ELP1: variants seen among roughly 807,000 people sequenced by gnomAD.
The protein encoded by ELP1 is elongator acetyltransferase complex subunit 1, also known as elongator complex protein 1.
In ELP1, 131 loss-of-function variants were observed where a neutral mutation model predicts 183.2. The ratio of observed to expected loss-of-function variants is 0.72; its 90% CI spans 0.62 to 0.83. The LOEUF is 0.83. Among genes scored for constraint, ELP1 ranks in the 40% least tolerant of loss-of-function variants. ELP1 has a pLI of 0.00. For synonymous variants in ELP1, 555 were observed against 569.0 expected (o/e 0.98, Z 0.35); for missense variants, 1,550 against 1,594.9 (o/e 0.97, Z 0.48).
chr9:108,911,221 T>C (rs753561935), intron 11 of ELP1, 41 bp from the exon 12 acceptor site: 3 of 1,589,540 alleles, frequency 1.9e-6, no homozygotes, highest in Admixed American at 3.4e-5. Flanking sequence ...CCTAGGGATA[T>C]TCAATTTGTA....
In ELP1 at chr9:108,927,367, C is replaced by T; in HGVS notation, c.385+5G>A. 1.2e-6 allele frequency: 2 copies of T among 1,610,686 alleles called. No homozygotes were observed. The highest frequency in any genetic ancestry group is 1.1e-5 in the South Asian group (1 of 91,002). ...AAGCCAGTGAGGCACCAGTAACAAGCTTACCTGTGGCAAGAAGCACCAGCT... is the reference window on the plus strand; with the variant it reads ...AAGCCAGTGAGGCACCAGTAACAAGTTTACCTGTGGCAAGAAGCACCAGCT... On this transcript the variant is annotated splice_donor_5th_base_variant and intron_variant, in intron 4 of 36. Transcript: ENST00000374647.
intron 29 of ELP1, among the ~76,000 whole-genome samples, chr9:108,885,959 A>T (rs535760999): frequency 1.1e-4 from 16 of 152,364 alleles, no homozygotes; most frequent in African/African-American, 3.4e-4. Flanking sequence ...TCCTTCTTGC[A>T]TAAACAGGCC....
rs191903395 is a variant in ELP1 at position 108,893,922 on chromosome 9, C to A, written c.2860+21G>T. 1.9e-6 allele frequency: 3 copies of A among 1,613,228 alleles called. No homozygotes were observed. The East Asian group carries it at 6.7e-5, about 36-fold the overall frequency. ...AAAGAAGATCTGAAGTAGAGATAAA[C>A]ATACTAATCCCCACACTTACCACAT... On this transcript the variant is annotated intron_variant, in intron 26 of 36. Transcript: ENST00000374647.
intron 36 of ELP1, among the ~76,000 whole-genome samples, chr9:108,874,107 T>G (rs561097852): frequency 6.6e-6 from 1 of 152,304 alleles, no homozygotes; most frequent in African/African-American, 2.4e-5. Flanking sequence ...TATTACAGTG[T>G]AGCACTTCGG....
intron 29 of ELP1, among the ~76,000 whole-genome samples, chr9:108,884,987 G>A (rs988853161): frequency 6.6e-6 from 1 of 152,008 alleles, no homozygotes; most frequent in African/African-American, 2.4e-5. Flanking sequence ...AGGCTGAGGG[G>A]GGAGGACAGC....
chr9:108,893,145 T>C (rs1828408288), intron 26 of ELP1, 62 bp from the exon 27 acceptor site: 2 of 1,118,722 alleles, frequency 1.8e-6, no homozygotes, highest in African/African-American at 3.0e-5. Flanking sequence ...TGGACTTCAT[T>C]TATACCAATG....
intron 29 of ELP1, among the ~76,000 whole-genome samples, chr9:108,887,763 C>T (rs1373387939): frequency 6.6e-5 from 10 of 152,044 alleles, no homozygotes; most frequent in African/African-American, 9.7e-5. Flanking sequence ...TAAGTTGTTA[C>T]GTAGCAATAG....
In ELP1 at chr9:108,901,412, A is replaced by G. The variant is rs758732389; in HGVS notation, c.2014+13T>C. 6 of 1,563,890 alleles carry G rather than the reference A, an allele frequency of 3.8e-6. 1 individual carries two copies. The highest frequency in any genetic ancestry group is 3.3e-4 in the Middle Eastern group (2 of 5,992). On this transcript the variant is annotated intron_variant, in intron 18 of 36. Coordinates refer to ENST00000374647, the MANE Select transcript of ELP1 (RefSeq NM_003640.5). ...AGAAGGGACCATTTCTGTTTTATAC[A>G]TTGAAAACTTACTTTTAAATGAAGC...
chr9:108,884,352 G>A (rs569362325), intron 29 of ELP1, among the ~76,000 whole-genome samples: 1 of 152,252 alleles, frequency 6.6e-6, no homozygotes, highest in South Asian at 2.1e-4. Context: ...AGCAAGTAGT[G>A]AGGAAATCAA....
chr9:108,901,681 C>T lies in ELP1; in HGVS notation c.1855G>A (p.Glu619Lys). Residue 619 changes from glutamate (E) to lysine (K), a missense_variant and splice_region_variant, in exon 17 of 37, where the codon GAA becomes AAA. By Grantham distance (56) the Glu-to-Lys change is moderately conservative (BLOSUM62 1). Transcript: ENST00000374647. ...CTGTCAGTCAGACCAAGGACACATT[C>T]CTGCAAAGAAATAAAACTGAAATCA... Reference protein sequence around the residue: ...QTELAMIGEEECVLGLTDRCR... With the variant: ...QTELAMIGEEKCVLGLTDRCR... 1 of 1,613,956 alleles carries T rather than the reference C, an allele frequency of 6.2e-7. No homozygotes were observed. The highest frequency in any genetic ancestry group is 1.7e-5 in the Admixed American group (1 of 60,016).
chr9:108,868,617 T>TTA lies in ELP1; in HGVS notation c.*497_*498insTA, dbSNP rs1333299637. 4 of 450,154 alleles carry TTA rather than the reference T, an allele frequency of 8.9e-6. No individual in the cohort carries two copies. The highest frequency in any genetic ancestry group is 8.0e-5 in the African/African-American group (4 of 49,746). 27.9% of individuals were successfully genotyped at this position (450,154 alleles called of 1,614,324 possible). ...GTAAGATGTTACAAAATAATAGCTG[T>TTA]CAGCAAAGGAGGGCTTATAATTTCA... On this transcript the variant is annotated 3_prime_UTR_variant, in exon 37 of 37. Coordinates refer to ENST00000374647, the MANE Select transcript of ELP1 (RefSeq NM_003640.5).
intron 29 of ELP1, among the ~76,000 whole-genome samples, chr9:108,887,598 A>G (rs1172762430): frequency 5.9e-5 from 9 of 152,220 alleles, no homozygotes; most frequent in Admixed American, 5.9e-4. Context: ...AAAACTAGTC[A>G]AGCCTTGAGA....
chr9:108,917,566 A>T lies in ELP1; in HGVS notation c.845T>A (p.Phe282Tyr), dbSNP rs748996793. 1 of 1,614,056 alleles carries T rather than the reference A, an allele frequency of 6.2e-7. No homozygotes were observed. The highest frequency in any genetic ancestry group is 8.5e-7 in the Non-Finnish European group (1 of 1,179,940). Reference protein sequence around the residue: ...GLLHGHFTLPFLKDEVKVNDL... With the variant: ...GLLHGHFTLPYLKDEVKVNDL... The stretch of plus-strand genomic sequence containing the variant: ...ACTTACCTTAACCTCATCTTTAAGG[A>T]AGGGAAGTGTAAAGTGTCCATGAAG... Residue 282 changes from phenylalanine (F) to tyrosine (Y), a missense_variant, in exon 9 of 37, where the codon TTC becomes TAC. Transcript: ENST00000374647.
intron 16 of ELP1, among the ~76,000 whole-genome samples, chr9:108,902,041 T>G (rs748951971): frequency 1.3e-5 from 2 of 152,212 alleles, no homozygotes; most frequent in African/African-American, 2.4e-5. Flanking sequence ...CACATTACTC[T>G]GTTATTAAAA....
intron 9 of ELP1, 82 bp downstream of exon 9, chr9:108,917,465 C>T (rs1829480241): frequency 1.6e-6 from 2 of 1,244,996 alleles, no homozygotes; most frequent in Non-Finnish European, 2.3e-6. Flanking sequence ...GAAACTCCAT[C>T]TCAAAAAAAA....
At chr9:108,910,881 G>T in intron 12 of ELP1, 129 bp downstream of exon 12, 9 of 696,378 alleles carry the variant, frequency 1.3e-5, no homozygotes, top group East Asian at 8.5e-5. Context: ...TAATGATAAT[G>T]ATATCAACTG....
rs1433495705 is a variant in ELP1 at position 108,878,770 on chromosome 9, T to C, written c.3573-20A>G. On this transcript the variant is annotated intron_variant, in intron 33 of 36. Transcript: ENST00000374647. ...GATCTCCTGTTAGAAATTACACAGA[T>C]ATTTTTAAGCCTCCTGAGTAGCTAG... 1.1e-5 allele frequency: 17 copies of C among 1,613,034 alleles called. No individual in the cohort carries two copies. Among genetic ancestry groups the C allele is most frequent in the African/African-American group, 2.7e-5 (2 of 74,928 alleles).
chr9:108,930,138 C>A (rs373135164), intron 2 of ELP1, among the ~76,000 whole-genome samples: 14 of 152,144 alleles, frequency 9.2e-5, no homozygotes, highest in African/African-American at 3.4e-4. Context: ...CAAACAAACA[C>A]AAAAACAAAA....
In ELP1 at chr9:108,905,040, G is replaced by A. The variant is rs550024288; in HGVS notation, c.1643+1263C>T. Among the ~76,000 whole-genome samples the A allele has an allele frequency of 4.9e-4, 74 of 152,200 alleles. 1 individual carries two copies. Among genetic ancestry groups the A allele is most frequent in the Non-Finnish European group, 8.7e-4 (59 of 68,008 alleles). On this transcript the variant is annotated intron_variant, in intron 14 of 36. Transcript: ENST00000374647. Reference sequence around the variant, plus strand: ...AAGTAGAAACTTAGTAAATTGCTCCGCTTTTCAAAAGGTAATCTAATGGCT... The same window carrying A: ...AAGTAGAAACTTAGTAAATTGCTCCACTTTTCAAAAGGTAATCTAATGGCT...
Sources: gnomAD v4.1 joint callset for allele counts (sites outside exome capture counted in the v4.1 genomes callset) on GRCh38, gnomAD v4.1.1 for gene constraint, MANE v1.5 for transcripts, NCBI Gene and HGNC (gene_info 2026-07-23, HGNC 2026-07-21) for gene names.